The following KDM4B variants were observed in gnomAD, a reference collection of about 807,000 sequenced individuals.
KDM4B encodes lysine demethylase 4B.
KDM4B carries 32 observed loss-of-function variants against 125.2 expected under a neutral mutation model. That is an observed-to-expected ratio of 0.26 (90% CI 0.19 to 0.34). The LOEUF (loss-of-function observed/expected upper bound fraction) is 0.34. Ranked by LOEUF, KDM4B falls within the 10% of genes least tolerant of loss-of-function variation. The pLI is 1.00. For missense variants in KDM4B, 1,190 were observed against 1,577.7 expected, an observed-to-expected ratio of 0.75 and a Z score of 4.16; for synonymous variants, 721 against 677.9, an observed-to-expected ratio of 1.06 and a Z score of -0.99.
intron 11 of KDM4B, among the ~76,000 whole-genome samples, chr19:5,127,067 G>T (rs2039461977): frequency 6.6e-6 from 1 of 152,208 alleles, no homozygotes; most frequent in Admixed American, 6.5e-5. Context: ...AGGCTAGTGA[G>T]CCCTGGTGGT....
At chr19:5,008,403 G>C (rs974127169) in intron 1 of KDM4B, among the ~76,000 whole-genome samples, 1 of 152,070 alleles carries the variant, frequency 6.6e-6, no homozygotes, top group African/African-American at 2.4e-5. Context: ...ATGCTGTCTT[G>C]ATTACTGTAG....
At chr19:4,978,901 G>A (rs989614349) in intron 1 of KDM4B, among the ~76,000 whole-genome samples, 8 of 152,260 alleles carry the variant, frequency 5.3e-5, no homozygotes, top group African/African-American at 1.4e-4. Context: ...AAGTTCATGC[G>A]TGCCTGGTCA....
intron 1 of KDM4B, among the ~76,000 whole-genome samples, chr19:4,988,891 C>T (rs914982711): frequency 3.9e-5 from 6 of 152,188 alleles, no homozygotes; most frequent in Non-Finnish European, 4.4e-5. Flanking sequence ...CAGCCACATG[C>T]CCCTCCCCTC....
At chr19:5,052,834 C>T (rs747801200) in intron 6 of KDM4B, among the ~76,000 whole-genome samples, 2 of 152,220 alleles carry the variant, frequency 1.3e-5, no homozygotes, top group Non-Finnish European at 2.9e-5. Flanking sequence ...TGTACTGCTG[C>T]TGCTGGCGAG....
Position 5,077,350 on chromosome 19 carries a change from T to C in KDM4B, c.677-17T>C, listed in dbSNP as rs377709650. 6.3e-5 allele frequency: 101 copies of C among 1,609,374 alleles called. 3 individuals carry two copies. In the South Asian group the frequency reaches 9.1e-4, roughly 15 times the overall value. On this transcript the variant is annotated splice_polypyrimidine_tract_variant and intron_variant, in intron 7 of 22. Coordinates refer to ENST00000159111, the MANE Select transcript of KDM4B (RefSeq NM_015015.3). ...GGCTGTGGCCCAGGAGACTGACGTC[T>C]GTCTTTTCGGCCCTAGGCTTCTTCC... is the stretch of plus-strand genomic sequence containing the variant.
chr19:5,086,594 C>T (rs1263487507), intron 9 of KDM4B, among the ~76,000 whole-genome samples: 1 of 152,134 alleles, frequency 6.6e-6, no homozygotes, highest in Non-Finnish European at 1.5e-5. Context: ...AGCCTGTCTC[C>T]CCGTCTACAG....
chr19:4,990,708 C>T (rs2035004570), intron 1 of KDM4B, among the ~76,000 whole-genome samples: 1 of 152,108 alleles, frequency 6.6e-6, no homozygotes, highest in South Asian at 2.1e-4. Flanking sequence ...GGAGAATATT[C>T]GATGAGATGG....
intron 6 of KDM4B, among the ~76,000 whole-genome samples, chr19:5,062,656 GA>G (rs1237077101): frequency 1.3e-5 from 2 of 150,428 alleles, no homozygotes; most frequent in Admixed American, 6.6e-5. Flanking sequence ...TCTTTTTGTT[GA>G]CTTTTTTTTT....
intron 21 of KDM4B, among the ~76,000 whole-genome samples, chr19:5,149,755 A>G (rs986039975): frequency 6.6e-6 from 1 of 152,220 alleles, no homozygotes; most frequent in Admixed American, 6.5e-5. Flanking sequence ...GCCCCTCACC[A>G]GTCAGGCATC....
chr19:5,131,419 C>G lies in KDM4B; in HGVS notation c.1659C>G (p.His553Gln). 3.7e-6 allele frequency: 6 copies of G among 1,611,184 alleles called. No individual in the cohort carries two copies. Among genetic ancestry groups the G allele is most frequent in the Non-Finnish European group, 5.1e-6 (6 of 1,179,640 alleles). Residue 553 changes from histidine (H) to glutamine (Q), a missense_variant, in exon 12 of 23, where the codon CAC becomes CAG. His to Gln is a conservative substitution (Grantham distance 24). Around this residue, in one of 7 missense-constraint regions of KDM4B, gnomAD observed 428 missense variants for 405.1 expected, o/e 1.06. Coordinates refer to ENST00000159111, the MANE Select transcript of KDM4B (RefSeq NM_015015.3). ...EHVSCQQAFE[H>Q]FAQKGPTWKE... ...TGTCCTGCCAGCAGGCCTTTGAGCA[C>G]TTTGCCCAGAAGGGTCCGACCTGGA...
At chr19:5,096,420 G>A (rs1034244408) in intron 9 of KDM4B, among the ~76,000 whole-genome samples, 1 of 152,100 alleles carries the variant, frequency 6.6e-6, no homozygotes, top group Non-Finnish European at 1.5e-5. Context: ...TACCCCATCC[G>A]GACTCCTGGC....
At chr19:5,144,655 C>G in intron 20 of KDM4B, 128 bp from the exon 21 acceptor site, 4 of 1,354,902 alleles carry the variant, frequency 3.0e-6, no homozygotes, top group Non-Finnish European at 3.0e-6. Flanking sequence ...CTACCCCGGG[C>G]CCCCGCAGCC....
At chr19:5,036,450 G>A (rs964705650) in intron 3 of KDM4B, among the ~76,000 whole-genome samples, 3 of 152,236 alleles carry the variant, frequency 2.0e-5, no homozygotes, top group African/African-American at 7.2e-5. Context: ...CACTTGGGAA[G>A]CACTGAGGTG....
At chr19:5,085,679 G>A (rs1186934808) in intron 9 of KDM4B, among the ~76,000 whole-genome samples, 3 of 152,148 alleles carry the variant, frequency 2.0e-5, no homozygotes, top group East Asian at 1.9e-4. Context: ...CCCCAGCCCC[G>A]CTGTCCCAGC....
chr19:5,058,276 C>T (rs960213717), intron 6 of KDM4B, among the ~76,000 whole-genome samples: 2 of 152,314 alleles, frequency 1.3e-5, no homozygotes, highest in African/African-American at 4.8e-5. Flanking sequence ...GCATGAGCTG[C>T]GTCAGGAGCA....
At chr19:5,023,823 G>C (rs567713892) in intron 2 of KDM4B, among the ~76,000 whole-genome samples, 1 of 144,950 alleles carries the variant, frequency 6.9e-6, no homozygotes, top group Non-Finnish European at 1.5e-5. Flanking sequence ...GAGTACAGTG[G>C]TGCAGTCTGG....
Position 5,131,415 on chromosome 19 carries a change from A to G in KDM4B, c.1655A>G (p.Glu552Gly). Residue 552 changes from glutamate to glycine, a missense_variant, in exon 12 of 23, where the codon GAG becomes GGG. By Grantham distance (98) the Glu-to-Gly change is moderately conservative. Coordinates refer to ENST00000159111, the MANE Select transcript of KDM4B (RefSeq NM_015015.3). Reference sequence around the variant, plus strand: ...CACGTGTCCTGCCAGCAGGCCTTTGAGCACTTTGCCCAGAAGGGTCCGACC... The same window carrying G: ...CACGTGTCCTGCCAGCAGGCCTTTGGGCACTTTGCCCAGAAGGGTCCGACC... ...QEHVSCQQAF[E>G]HFAQKGPTWK... The G allele has an allele frequency of 6.2e-7, 1 of 1,610,898 alleles. No individual in the cohort carries two copies. The highest frequency in any genetic ancestry group is 2.2e-5 in the East Asian group (1 of 44,748).
At chr19:5,123,049 C>T (rs1029838177) in intron 11 of KDM4B, among the ~76,000 whole-genome samples, 8 of 152,238 alleles carry the variant, frequency 5.3e-5, no homozygotes, top group African/African-American at 1.7e-4. Flanking sequence ...TAGGACTGTG[C>T]AGATGCAGGG....
chr19:5,044,235 T>G (rs1599489158), intron 5 of KDM4B, among the ~76,000 whole-genome samples: 1 of 32,800 alleles, frequency 3.0e-5, no homozygotes, highest in Non-Finnish European at 5.9e-5. Context: ...GCGTGGTGTT[T>G]ATCGGAGTGG....
Sources: allele counts gnomAD v4.1 joint callset (sites outside exome capture counted in the v4.1 genomes callset), GRCh38; gene constraint gnomAD v4.1.1; regional missense constraint gnomAD v4.1.1; transcripts MANE v1.5; gene names NCBI Gene and HGNC (gene_info 2026-07-23, HGNC 2026-07-21).